HSD3B2: variants seen among roughly 807,000 people sequenced by gnomAD.
HSD3B2 encodes the protein 3 beta-hydroxysteroid dehydrogenase/Delta 5-->4-isomerase type 2.
In HSD3B2, 8 loss-of-function variants were observed where a neutral mutation model predicts 9.9. The observed-to-expected ratio is 0.81, with a 90% CI of 0.47 to 1.46. The LOEUF (loss-of-function observed/expected upper bound fraction) is 1.46. Ranked by LOEUF, HSD3B2 falls within the 40% of genes most tolerant of loss-of-function variation. HSD3B2 has a pLI of 0.00. For synonymous variants in HSD3B2, 221 were observed against 184.5 expected (o/e 1.20, Z -1.60); for missense variants, 410 against 448.3 (o/e 0.91, Z 0.77).
In HSD3B2 at chr1:119,422,122, C is replaced by A. The variant is rs143758913; in HGVS notation, c.621C>A (p.Asn207Lys). 19 of 1,614,110 alleles carry A rather than the reference C, an allele frequency of 1.2e-5. No individual in the cohort carries two copies. Among genetic ancestry groups the A allele is most frequent in the Non-Finnish European group, 1.6e-5 (19 of 1,179,992 alleles). The change falls in exon 4 of 4, where the codon AAC becomes AAA. Residue 207 changes from asparagine to lysine, a missense_variant. Physicochemically the swap from Asn to Lys is moderately conservative, Grantham distance 94. Transcript: ENST00000369416. ...LSASINEALN[N>K]NGILSSVGKF... ...CCAGTATAAATGAGGCCCTGAACAA[C>A]AATGGGATCCTGTCAAGTGTTGGAA...
intron 3 of HSD3B2, among the ~76,000 whole-genome samples, chr1:119,421,497 A>G (rs1284904079): frequency 6.8e-5 from 2 of 29,416 alleles, no homozygotes; most frequent in African/African-American, 1.7e-4. Flanking sequence ...ATTTTATAAT[A>G]TATATATATA....
rs775037341 is a variant in HSD3B2 at position 119,421,885 on chromosome 1, C to T, written c.384C>T (p.Ala128=). ...VFIYTSSIEV[A]GPNSYKEIIQ... ...TCTACACCAGTAGCATAGAGGTAGC[C>T]GGGCCCAACTCCTACAAGGAAATCA... is the stretch of plus-strand genomic sequence containing the variant. The change falls in exon 4 of 4, where the codon GCC becomes GCT. Residue 128 remains alanine, a synonymous_variant. Transcript: ENST00000369416. The T allele has an allele frequency of 2.0e-5, 33 of 1,613,852 alleles. No homozygotes were observed. The highest frequency in any genetic ancestry group is 4.5e-5 in the East Asian group (2 of 44,872).
intron 2 of HSD3B2, among the ~76,000 whole-genome samples, chr1:119,415,769 G>A (rs779802550): frequency 5.3e-5 from 8 of 152,174 alleles, no homozygotes; most frequent in East Asian, 1.9e-4. Context: ...TGGCCCTGAC[G>A]CAGAACTTGA....
At chr1:119,419,048 A>G (rs1455306181) in intron 2 of HSD3B2, among the ~76,000 whole-genome samples, 1 of 152,192 alleles carries the variant, frequency 6.6e-6, no homozygotes, top group Admixed American at 6.5e-5. Context: ...CATCGCCTAC[A>G]GAATTAAATT....
In HSD3B2 at chr1:119,421,417, G is replaced by T. The variant is rs1348642435; in HGVS notation, c.308-392G>T. ...TATATATATATGTATATATATATAT[G>T]TATATATATGTATATATATATATGT... On this transcript the variant is annotated intron_variant, in intron 3 of 3. Coordinates refer to ENST00000369416, the MANE Select transcript of HSD3B2 (RefSeq NM_000198.4). Among the ~76,000 whole-genome samples, 86 of 90,286 alleles carry T rather than the reference G, an allele frequency of 9.5e-4. 1 individual carries two copies. The highest frequency in any genetic ancestry group is 7.2e-3 in the African/African-American group (80 of 11,140). 59.2% of individuals were successfully genotyped at this position (90,286 alleles called of 152,430 possible).
At chr1:119,416,043 G>A (rs895958536) in intron 2 of HSD3B2, among the ~76,000 whole-genome samples, 1 of 152,178 alleles carries the variant, frequency 6.6e-6, no homozygotes, top group Admixed American at 6.5e-5. Context: ...ACGGATGTGT[G>A]TGTAATTGTG....
Position 119,419,407 on chromosome 1 carries a change from T to A in HSD3B2, c.143-11T>A. The A allele has an allele frequency of 6.2e-7, 1 of 1,613,674 alleles. No individual in the cohort carries two copies. The highest frequency in any genetic ancestry group is 8.5e-7 in the Non-Finnish European group (1 of 1,179,714). ...GAAATCTTTCCAATGACCTGACCTG[T>A]GTTCACACAGAGCTCCAGAACAGGA... is the stretch of plus-strand genomic sequence containing the variant. On this transcript the variant is annotated splice_polypyrimidine_tract_variant and intron_variant, in intron 2 of 3. Coordinates refer to ENST00000369416, the MANE Select transcript of HSD3B2 (RefSeq NM_000198.4).
intron 2 of HSD3B2, among the ~76,000 whole-genome samples, chr1:119,418,120 G>A (rs1651759538): frequency 1.3e-5 from 2 of 152,340 alleles, no homozygotes; most frequent in South Asian, 2.1e-4. Context: ...GTCACTACCT[G>A]TGGATTTCAG....
At chr1:119,416,812 G>T (rs1415125301) in intron 2 of HSD3B2, among the ~76,000 whole-genome samples, 2 of 151,944 alleles carry the variant, frequency 1.3e-5, no homozygotes, top group African/African-American at 4.8e-5. Flanking sequence ...ATTAACACAT[G>T]ACTGATATTA....
intron 3 of HSD3B2, 26 bp from the exon 4 acceptor site, chr1:119,421,783 A>C: frequency 1.2e-6 from 2 of 1,612,966 alleles, no homozygotes; most frequent in Non-Finnish European, 1.7e-6. Flanking sequence ...ATTTCCTGAC[A>C]CTGTCATCAT....
intron 3 of HSD3B2, among the ~76,000 whole-genome samples, chr1:119,421,218 G>A (rs1651847441): frequency 6.6e-6 from 1 of 151,420 alleles, no homozygotes; most frequent in South Asian, 2.1e-4. Flanking sequence ...AGGACTGATT[G>A]GGACTGTTCA....
intron 3 of HSD3B2, among the ~76,000 whole-genome samples, chr1:119,421,506 TATATAC>T (rs1485873143): frequency 0.052 from 7,034 of 134,874 alleles, 519 homozygotes; most frequent in South Asian, 0.14. Flanking sequence ...TATATATATA[TATATAC>T]ACACACGTAT....
chr1:119,416,766 A>G (rs1473060293), intron 2 of HSD3B2, among the ~76,000 whole-genome samples: 2 of 152,218 alleles, frequency 1.3e-5, no homozygotes, highest in Non-Finnish European at 2.9e-5. Context: ...TTAAATGTCC[A>G]ATTTCCTCCA....
intron 2 of HSD3B2, 77 bp downstream of exon 2, chr1:119,415,638 C>CAACTTGCT: frequency 6.7e-7 from 1 of 1,491,626 alleles, no homozygotes; most frequent in South Asian, 1.1e-5. Flanking sequence ...CCTTGTCTAG[C>CAACTTGCT]AAGTTAAGGA....
At chr1:119,421,465 G>T (rs181769064) in intron 3 of HSD3B2, among the ~76,000 whole-genome samples, 156 of 4,924 alleles carry the variant, frequency 0.032, 9 homozygotes, top group African/African-American at 0.12. Flanking sequence ...ATATATATAT[G>T]TATATATATA....
intron 1 of HSD3B2, 29 bp from the exon 2 acceptor site, chr1:119,415,300 AGT>A: frequency 9.8e-7 from 1 of 1,024,044 alleles, no homozygotes; most frequent in Non-Finnish European, 1.5e-6. Context: ...GCATCTGCTG[AGT>A]GTATAACCAT....
At chr1:119,419,341 T>C in intron 2 of HSD3B2, 77 bp from the exon 3 acceptor site, 2 of 1,397,014 alleles carry the variant, frequency 1.4e-6, no homozygotes, top group Non-Finnish European at 2.0e-6. Context: ...TGAGCACCTA[T>C]GTAACATCGC....
rs1651674171 is a variant in HSD3B2 at position 119,415,384 on chromosome 1, C to T, written c.-36C>T. The T allele has an allele frequency of 6.2e-7, 1 of 1,612,148 alleles. No homozygotes were observed. The highest frequency in any genetic ancestry group is 1.7e-5 in the Admixed American group (1 of 59,972). On this transcript the variant is annotated 5_prime_UTR_variant, in exon 2 of 4. Coordinates refer to ENST00000369416, the MANE Select transcript of HSD3B2 (RefSeq NM_000198.4). ...TCTGCTCTCCAGCATCTTCTGTTTC[C>T]TGGCAAGTGTTTCCTGCTACTTTGG... is the stretch of plus-strand genomic sequence containing the variant.
intron 2 of HSD3B2, among the ~76,000 whole-genome samples, chr1:119,418,899 C>A (rs1248577792): frequency 1.3e-5 from 2 of 152,074 alleles, no homozygotes; most frequent in African/African-American, 4.8e-5. Flanking sequence ...TGATTCACCA[C>A]CTCAGAGTCC....
Sources: gnomAD v4.1 joint callset for allele counts (sites outside exome capture counted in the v4.1 genomes callset) on GRCh38, gnomAD v4.1.1 for gene constraint, MANE v1.5 for transcripts, NCBI Gene and HGNC (gene_info 2026-07-23, HGNC 2026-07-21) for gene names.